STK39: variants seen among roughly 807,000 people sequenced by gnomAD.
STK39 encodes STE20/SPS1-related proline-alanine-rich protein kinase.
A neutral mutation model predicts 77.8 loss-of-function variants in STK39; 20 were observed. The ratio of observed to expected loss-of-function variants is 0.26; its 90% CI spans 0.18 to 0.37. The LOEUF (loss-of-function observed/expected upper bound fraction) is 0.37. STK39 is among the 10% of genes least tolerant of loss of function. The pLI is 1.00. For missense variants in STK39, 479 were observed against 656.5 expected (o/e 0.73, Z 2.95); for synonymous variants, 246 against 234.1 (o/e 1.05, Z -0.47).
chr2:167,963,936 G>A lies in STK39; in HGVS notation c.1563+726C>T, dbSNP rs147376725. 7.5e-4 allele frequency among the ~76,000 whole-genome samples: 114 copies of A among 152,268 alleles called. 1 individual carries two copies. Among genetic ancestry groups the A allele is most frequent in the African/African-American group, 2.6e-3 (108 of 41,558 alleles). On this transcript the variant is annotated intron_variant, in intron 17 of 17. Transcript: ENST00000355999. Reference sequence around the variant, plus strand: ...CCAGCCTTTGATAAAATTAACTTACGATTTTTAAAATGTACCTTAATGTAC... The same window carrying A: ...CCAGCCTTTGATAAAATTAACTTACAATTTTTAAAATGTACCTTAATGTAC...
At chr2:168,219,707 T>C (rs1170221513) in intron 1 of STK39, among the ~76,000 whole-genome samples, 2 of 152,184 alleles carry the variant, frequency 1.3e-5, no homozygotes, top group Non-Finnish European at 2.9e-5. Flanking sequence ...AATCTCAGTG[T>C]TGTCTAATGG....
At chr2:168,106,548 G>A (rs1281990950) in intron 10 of STK39, among the ~76,000 whole-genome samples, 1 of 152,168 alleles carries the variant, frequency 6.6e-6, no homozygotes, top group Admixed American at 6.5e-5. Context: ...GCTGGGCACA[G>A]TGGCTCATTA....
At chr2:167,986,423 CA>C (rs767124066) in intron 16 of STK39, among the ~76,000 whole-genome samples, 4 of 152,058 alleles carry the variant, frequency 2.6e-5, no homozygotes, top group Non-Finnish European at 4.4e-5. Flanking sequence ...TGTAGATTAC[CA>C]AACTCTCAGA....
intron 10 of STK39, among the ~76,000 whole-genome samples, chr2:168,079,837 A>C (rs1024088967): frequency 6.6e-5 from 10 of 152,208 alleles, no homozygotes; most frequent in Non-Finnish European, 1.2e-4. Flanking sequence ...TACATGTATT[A>C]ACTAATTTAA....
intron 10 of STK39, among the ~76,000 whole-genome samples, chr2:168,097,190 T>C (rs551091994): frequency 1.2e-4 from 18 of 152,264 alleles, no homozygotes; most frequent in Non-Finnish European, 2.1e-4. Flanking sequence ...GGCTGTTTTT[T>C]AGTCACTCAA....
chr2:168,145,565 G>T (rs1469837313), intron 5 of STK39, among the ~76,000 whole-genome samples: 1 of 152,122 alleles, frequency 6.6e-6, no homozygotes, highest in Non-Finnish European at 1.5e-5. Flanking sequence ...TCTTACTGTA[G>T]TTGGCAACAA....
chr2:167,997,575 T>G (rs1226828181), intron 16 of STK39, among the ~76,000 whole-genome samples: 2 of 152,206 alleles, frequency 1.3e-5, no homozygotes. Flanking sequence ...ATATCTTCAC[T>G]GACAGAGCTG....
rs371073946 is a variant in STK39, at chr2:168,042,612, G to A, written c.1376+20888C>T. ...TTTTTTTTTCTTGAGATGGAGTCTCGCTCTGTCACCCAGGCTAGATTGCAG... is the reference window on the plus strand; with the variant it reads ...TTTTTTTTTCTTGAGATGGAGTCTCACTCTGTCACCCAGGCTAGATTGCAG... On this transcript the variant is annotated intron_variant, in intron 14 of 17. Coordinates refer to ENST00000355999, the MANE Select transcript of STK39 (RefSeq NM_013233.3). 5.9e-5 allele frequency among the ~76,000 whole-genome samples: 8 copies of A among 136,542 alleles called. No individual in the cohort carries two copies. The South Asian group carries it at 6.8e-4, about 12-fold the overall frequency. 89.6% of individuals were successfully genotyped at this position (136,542 alleles called of 152,430 possible).
chr2:167,995,552 T>C (rs1313759189), intron 16 of STK39, among the ~76,000 whole-genome samples: 2 of 152,300 alleles, frequency 1.3e-5, no homozygotes, highest in South Asian at 2.1e-4. Context: ...TTGGAGTTTA[T>C]ACCTAAGAAT....
intron 16 of STK39, among the ~76,000 whole-genome samples, chr2:168,011,626 C>T (rs114534359): frequency 0.026 from 3,928 of 152,238 alleles, 189 homozygotes; most frequent in African/African-American, 0.087. Context: ...ATGTCTGCCT[C>T]TTAGAGCTTT....
intron 1 of STK39, among the ~76,000 whole-genome samples, chr2:168,198,368 C>T (rs1689527409): frequency 6.6e-6 from 1 of 152,140 alleles, no homozygotes; most frequent in African/African-American, 2.4e-5. Flanking sequence ...TTGAATTCTC[C>T]TTTATCTCAG....
intron 16 of STK39, among the ~76,000 whole-genome samples, chr2:167,989,834 T>C (rs911963149): frequency 2.0e-5 from 3 of 151,970 alleles, no homozygotes; most frequent in African/African-American, 4.8e-5. Context: ...AATCACCCAG[T>C]AGAAGCATAG....
chr2:168,102,591 T>G (rs952589963), intron 10 of STK39, among the ~76,000 whole-genome samples: 11 of 152,176 alleles, frequency 7.2e-5, no homozygotes, highest in Non-Finnish European at 1.5e-4. Context: ...CCTTCAAGAT[T>G]CTTCCAGCTA....
chr2:168,181,587 G>C (rs141959832), intron 2 of STK39, among the ~76,000 whole-genome samples: 1 of 152,208 alleles, frequency 6.6e-6, no homozygotes, highest in Non-Finnish European at 1.5e-5. Flanking sequence ...AAATAGTTTG[G>C]GGGACAACTT....
intron 14 of STK39, among the ~76,000 whole-genome samples, chr2:168,023,166 T>A (rs1684610324): frequency 6.6e-6 from 1 of 151,954 alleles, no homozygotes; most frequent in African/African-American, 2.4e-5. Flanking sequence ...TCCCCCTACC[T>A]CAGGATTCCA....
rs193213160 is a variant in STK39, at chr2:168,002,408, C to T, written c.1498+10226G>A. Among the ~76,000 whole-genome samples the T allele has an allele frequency of 4.8e-3, 734 of 152,252 alleles. 1 individual carries two copies. Among genetic ancestry groups the T allele is most frequent in the Non-Finnish European group, 8.1e-3 (553 of 68,014 alleles). ...TTTTCAAACACTCCTTTTCCCCATCCCCAAATCGGAAGTTCTTTACAAATG... is the reference window on the plus strand; with the variant it reads ...TTTTCAAACACTCCTTTTCCCCATCTCCAAATCGGAAGTTCTTTACAAATG... On this transcript the variant is annotated intron_variant, in intron 16 of 17. Coordinates refer to ENST00000355999, the MANE Select transcript of STK39 (RefSeq NM_013233.3).
chr2:168,103,145 C>T (rs541881300), intron 10 of STK39, among the ~76,000 whole-genome samples: 33 of 152,048 alleles, frequency 2.2e-4, no homozygotes, highest in African/African-American at 7.0e-4. Flanking sequence ...CAGAAAAAAT[C>T]ACCCATATTC....
At chr2:168,155,809 C>G (rs894374946) in intron 5 of STK39, among the ~76,000 whole-genome samples, 2 of 152,194 alleles carry the variant, frequency 1.3e-5, no homozygotes, top group African/African-American at 2.4e-5. Context: ...CCCTGCTAAG[C>G]TGATATATTC....
chr2:168,184,381 G>C (rs1242747093), intron 1 of STK39, among the ~76,000 whole-genome samples: 1 of 152,190 alleles, frequency 6.6e-6, no homozygotes, highest in Non-Finnish European at 1.5e-5. Context: ...TTTGTGACCT[G>C]AGATCATTGT....
Sources: allele counts gnomAD v4.1 joint callset (sites outside exome capture counted in the v4.1 genomes callset), GRCh38; gene constraint gnomAD v4.1.1; transcripts MANE v1.5; gene names NCBI Gene and HGNC (gene_info 2026-07-23, HGNC 2026-07-21).